The following TNK2 variants were observed in gnomAD, a reference collection of about 807,000 sequenced individuals.
TNK2 encodes the protein activated CDC42 kinase 1.
Under a neutral mutation model 101.8 loss-of-function variants are expected in TNK2, and 83 were observed. The observed-to-expected ratio is 0.82, with a 90% CI of 0.68 to 0.98. The LOEUF (loss-of-function observed/expected upper bound fraction) is 0.98, where lower values mean the gene tolerates loss of function less well. TNK2 is among the 50% of genes least tolerant of loss of function. The pLI is 0.00. For missense variants in TNK2, 1,665 were observed against 1,483.2 expected (o/e 1.12, Z -2.01); for synonymous variants, 804 against 633.0 (o/e 1.27, Z -4.06).
rs745338899 is a variant in TNK2, at chr3:195,883,303, C to T, written c.463G>A (p.Val155Met). Reference sequence around the variant, plus strand: ...TCGGGCTTCAGGCACTTCACAGCCACACTCACCTGCCCAGAGCGGGATTTG... The same window carrying T: ...TCGGGCTTCAGGCACTTCACAGCCATACTCACCTGCCCAGAGCGGGATTTG... ...WDAPSGKTVS[V>M]AVKCLKPDVL... Residue 155 changes from valine to methionine, a missense_variant, in exon 5 of 16, where the codon GTG becomes ATG. By Grantham distance (21) the Val-to-Met change is conservative. Around this residue, in one of 3 missense-constraint regions of TNK2, gnomAD observed 490 missense variants for 522.5 expected, o/e 0.94. Transcript: ENST00000672887. 1.2e-6 allele frequency: 2 copies of T among 1,613,206 alleles called. No homozygotes were observed. The highest frequency in any genetic ancestry group is 1.7e-5 in the Admixed American group (1 of 60,020).
intron 1 of TNK2, chr3:195,895,623 C>G: frequency 7.8e-7 from 1 of 1,288,806 alleles, no homozygotes; most frequent in Non-Finnish European, 9.8e-7. Flanking sequence ...TGACCCCCAC[C>G]GAGAGCCGGG....
chr3:195,896,003 C>T (rs1760405744), intron 1 of TNK2: 1 of 373,824 alleles, frequency 2.7e-6, no homozygotes, highest in African/African-American at 2.2e-5. Context: ...CGGTTCCCCG[C>T]GCGCCACTCC....
chr3:195,881,988 C>A, intron 6 of TNK2, 63 bp downstream of exon 6: 15 of 1,553,574 alleles, frequency 9.7e-6, no homozygotes, highest in Non-Finnish European at 1.3e-5. Flanking sequence ...GTCCAGAAAG[C>A]CCCAGAAGCT....
At chr3:195,905,542 A>T (rs1761634095) in intron 1 of TNK2, among the ~76,000 whole-genome samples, 1 of 152,064 alleles carries the variant, frequency 6.6e-6, no homozygotes, top group Non-Finnish European at 1.5e-5. Flanking sequence ...TTCAGTGGAG[A>T]GATACATCTT....
chr3:195,892,789 C>A, intron 1 of TNK2: 1 of 1,169,998 alleles, frequency 8.5e-7, no homozygotes, highest in Non-Finnish European at 1.1e-6. Context: ...CCCAACTGCC[C>A]GCCCGGCCGC....
chr3:195,892,047 T>G (rs1203920780), intron 1 of TNK2: 86 of 1,014,936 alleles, frequency 8.5e-5, no homozygotes, highest in Middle Eastern at 4.4e-4. Context: ...CCAGGGTGAC[T>G]CCGCAGGGGT....
At chr3:195,883,653 C>T (rs1248535209) in intron 4 of TNK2, 16 of 213,240 alleles carry the variant, frequency 7.5e-5, no homozygotes, top group African/African-American at 3.4e-4. Flanking sequence ...TCGCTCTTGT[C>T]GCCCAGGCTG....
At chr3:195,899,977 T>G (rs1390142940) in intron 1 of TNK2, among the ~76,000 whole-genome samples, 1 of 151,990 alleles carries the variant, frequency 6.6e-6, no homozygotes, top group Non-Finnish European at 1.5e-5. Context: ...CCCCCCATGA[T>G]TTCTAATCCA....
At chr3:195,887,955 CGTGTGTGTGTGT>C (rs58113480) in intron 2 of TNK2, among the ~76,000 whole-genome samples, 13 of 148,074 alleles carry the variant, frequency 8.8e-5, no homozygotes, top group African/African-American at 3.3e-4. Context: ...TGTGTGCCTG[CGTGTGTGTGTGT>C]GTGTGTGTAT....
rs561378954 is a variant in TNK2 at position 195,885,097 on chromosome 3, C to T, written c.235-64G>A. The T allele has an allele frequency of 1.3e-4, 183 of 1,463,198 alleles. No individual in the cohort carries two copies. The highest frequency in any genetic ancestry group is 1.6e-4 in the Non-Finnish European group (172 of 1,086,990). The allele number at this position is 1,463,198 out of a possible 1,614,324, so 90.6% of individuals were successfully genotyped here. On this transcript the variant is annotated intron_variant, in intron 3 of 15. Transcript: ENST00000672887. The surrounding 1 kb of genome is among the most constrained non-coding windows in gnomAD (Gnocchi z 4.7). Reference sequence around the variant, plus strand: ...CCCCAGGGTCAGTCACTCAGTCCCACCCCGCTGGGTCCACCTGGTGATCCC... The same window carrying T: ...CCCCAGGGTCAGTCACTCAGTCCCATCCCGCTGGGTCCACCTGGTGATCCC...
At position 195,885,708 on chromosome 3, in the gene TNK2, G is replaced by T; in HGVS notation, c.235-675C>A. 1 of 673,686 alleles carries T rather than the reference G, an allele frequency of 1.5e-6. No homozygotes were observed. The highest frequency in any genetic ancestry group is 1.6e-5 in the South Asian group (1 of 60,690). 41.7% of individuals were successfully genotyped at this position (673,686 alleles called of 1,614,324 possible). A position where few individuals can be genotyped will look rare whatever the true frequency, so the allele number is the denominator to read the frequency against. Reference sequence around the variant, plus strand: ...ACGGAAGGAAAAGTGGAGGAGACTCGGAGGCCAGGGTGGACAGGGAGGAGC... The same window carrying T: ...ACGGAAGGAAAAGTGGAGGAGACTCTGAGGCCAGGGTGGACAGGGAGGAGC... On this transcript the variant is annotated intron_variant, in intron 3 of 15. Transcript: ENST00000672887. This position sits in a 1 kb window ranked among gnomAD's most constrained non-coding sequence, Gnocchi z 4.7.
intron 1 of TNK2, among the ~76,000 whole-genome samples, chr3:195,899,160 T>C (rs1355804885): frequency 6.6e-6 from 1 of 152,184 alleles, no homozygotes; most frequent in Non-Finnish European, 1.5e-5. Flanking sequence ...ACTTCTACTG[T>C]GTCTACATGA....
rs2149332787 is a variant in TNK2 at position 195,872,285 on chromosome 3, C to A, written c.1442G>T (p.Arg481Met). The A allele has an allele frequency of 1.2e-6, 2 of 1,613,374 alleles. No individual in the cohort carries two copies. Among genetic ancestry groups the A allele is most frequent in the Non-Finnish European group, 1.7e-6 (2 of 1,179,900 alleles). Residue 481 changes from arginine (R) to methionine (M), a missense_variant, in exon 10 of 16, where the codon AGG becomes ATG. This residue lies in a region of TNK2 where 1,136 missense variants were observed against 894.9 expected (regional missense o/e 1.27). Transcript: ENST00000672887. ...DPRHCWGFPD[R>M]IDELYLGNPM... Reference sequence around the variant, plus strand: ...CCCGCCCAGTACTCACTCGTCAATCCTGTCCGGGAAGCCCCAGCAGTGGCG... The same window carrying A: ...CCCGCCCAGTACTCACTCGTCAATCATGTCCGGGAAGCCCCAGCAGTGGCG...
intron 1 of TNK2, among the ~76,000 whole-genome samples, chr3:195,906,180 A>G (rs1761696618): frequency 6.6e-6 from 1 of 152,244 alleles, no homozygotes; most frequent in Admixed American, 6.5e-5. Context: ...AGATGTGGAC[A>G]TATCAAAGAC....
At chr3:195,880,394 A>C (rs1451431989) in intron 6 of TNK2, among the ~76,000 whole-genome samples, 6 of 136,742 alleles carry the variant, frequency 4.4e-5, no homozygotes, top group Non-Finnish European at 9.8e-5. Context: ...AGGACACAGC[A>C]TCTATCCCTG....
In TNK2 at chr3:195,883,305, C is replaced by G; in HGVS notation, c.461G>C (p.Ser154Thr). ...EWDAPSGKTVSVAVKCLKPDV... is the reference protein window; with the variant it reads ...EWDAPSGKTVTVAVKCLKPDV... ...GGGCTTCAGGCACTTCACAGCCACA[C>G]TCACCTGCCCAGAGCGGGATTTGCA... Residue 154 changes from serine to threonine, a missense_variant, in exon 5 of 16, where the codon AGT (serine) becomes ACT (threonine). Ser to Thr is a moderately conservative substitution (Grantham distance 58). This residue lies in a region of TNK2 where 490 missense variants were observed against 522.5 expected (regional missense o/e 0.94). Coordinates refer to ENST00000672887, the MANE Select transcript of TNK2 (RefSeq NM_001382273.1). 1 of 1,613,154 alleles carries G rather than the reference C, an allele frequency of 6.2e-7. No individual in the cohort carries two copies. Among genetic ancestry groups the G allele is most frequent in the Non-Finnish European group, 8.5e-7 (1 of 1,180,032 alleles).
intron 4 of TNK2, chr3:195,883,699 C>G (rs1754306915): frequency 5.9e-6 from 1 of 170,434 alleles, no homozygotes; most frequent in Admixed American, 5.7e-5. Flanking sequence ...ACTGCAACCT[C>G]TGCCTCCCGG....
chr3:195,891,431 C>G (rs1577101111), intron 1 of TNK2, among the ~76,000 whole-genome samples: 1 of 152,238 alleles, frequency 6.6e-6, no homozygotes, highest in East Asian at 1.9e-4. Flanking sequence ...TCTAACACTT[C>G]AACTGCACTT....
intron 14 of TNK2, 62 bp from the exon 15 acceptor site, chr3:195,867,078 G>C (rs1741367933): frequency 6.2e-7 from 1 of 1,608,284 alleles, no homozygotes; most frequent in Admixed American, 1.7e-5. Context: ...GTGGGGAAGA[G>C]GGGAGTCGGA....
Sources: gnomAD v4.1 joint callset for allele counts (sites outside exome capture counted in the v4.1 genomes callset) on GRCh38, gnomAD v4.1.1 for gene constraint, gnomAD v4.1.1 regional missense constraint, Gnocchi (gnomAD v3.1) non-coding constraint, MANE v1.5 for transcripts, NCBI Gene and HGNC (gene_info 2026-07-23, HGNC 2026-07-21) for gene names.